The following CNGB3 variants were observed in gnomAD, a reference collection of about 807,000 sequenced individuals.
CNGB3 encodes cyclic nucleotide-gated channel beta-3.
Under a neutral mutation model 92.8 loss-of-function variants are expected in CNGB3, and 86 were observed. The ratio of observed to expected loss-of-function variants is 0.93; its 90% CI spans 0.78 to 1.11. The LOEUF (loss-of-function observed/expected upper bound fraction) is 1.11. Among genes scored for constraint, CNGB3 ranks in the 50% least tolerant of loss-of-function variants. CNGB3 has a pLI of 0.00. For missense variants in CNGB3, 1,026 were observed against 956.8 expected, an observed-to-expected ratio of 1.07 and a Z score of -0.95; for synonymous variants, 333 against 332.7, an observed-to-expected ratio of 1.00 and a Z score of -0.01.
chr8:86,659,609 T>C (rs1208007027), intron 6 of CNGB3: 2 of 538,466 alleles, frequency 3.7e-6, no homozygotes, highest in East Asian at 9.0e-5. Flanking sequence ...CCACTCCAAC[T>C]CTCCCACACG....
chr8:86,710,945 A>G (rs564526040), intron 3 of CNGB3, among the ~76,000 whole-genome samples: 45 of 152,316 alleles, frequency 3.0e-4, no homozygotes, highest in Admixed American at 2.9e-3. Flanking sequence ...TTGACAGTGA[A>G]CTTGTTTAGA....
chr8:86,694,136 C>G (rs1256339461), intron 3 of CNGB3, among the ~76,000 whole-genome samples: 2 of 138,242 alleles, frequency 1.4e-5, no homozygotes, highest in South Asian at 2.5e-4. Flanking sequence ...CTGACCCCCC[C>G]ACCTCCCTCC....
rs748216208 is a variant in CNGB3, at chr8:86,632,848, A to G, written c.1224T>C (p.Ile408=). The G allele has an allele frequency of 5.0e-6, 8 of 1,612,788 alleles. No homozygotes were observed. The highest frequency in any genetic ancestry group is 6.8e-6 in the Non-Finnish European group (8 of 1,179,832). ...AAGTTTGTGGTTCTGGAAGGCCACC[A>G]ATGGTAATTAAAGTTCGAACTGCCC... The part of the protein sequence containing the change: ...YYWAVRTLIT[I]GGLPEPQTLF... The change falls in exon 11 of 18, where the codon ATT becomes ATC. Residue 408 remains isoleucine (I), a synonymous_variant. Transcript: ENST00000320005.
chr8:86,577,338 A>G lies in CNGB3; in HGVS notation c.2104-1208T>C, dbSNP rs183024623. On this transcript the variant is annotated intron_variant, in intron 17 of 17. Coordinates refer to ENST00000320005, the MANE Select transcript of CNGB3 (RefSeq NM_019098.5). ...AAGCTTGGATGAAATTTACAAAGTT[A>G]TTTTGGGCTTTAAACATTTGTGATC... 2.3e-3 allele frequency among the ~76,000 whole-genome samples: 347 copies of G among 152,322 alleles called. 3 individuals are homozygous for G. Among genetic ancestry groups the G allele is most frequent in the South Asian group, 0.013 (65 of 4,828 alleles).
intron 6 of CNGB3, among the ~76,000 whole-genome samples, chr8:86,654,358 C>T (rs1329222465): frequency 1.3e-5 from 2 of 152,148 alleles, no homozygotes; most frequent in Non-Finnish European, 2.9e-5. Flanking sequence ...TGGCTTCTTC[C>T]TGCTTCTCTC....
chr8:86,663,274 C>T (rs1017130390), intron 6 of CNGB3, among the ~76,000 whole-genome samples: 10 of 152,212 alleles, frequency 6.6e-5, no homozygotes, highest in South Asian at 2.1e-4. Context: ...AAGGGCTGTG[C>T]ATGTGAGTGT....
chr8:86,683,685 T>C (rs1228740967), intron 3 of CNGB3, among the ~76,000 whole-genome samples: 3 of 152,114 alleles, frequency 2.0e-5, no homozygotes, highest in South Asian at 4.1e-4. Flanking sequence ...TCATGTACCA[T>C]TAAAAAGCTA....
At chr8:86,658,085 C>G (rs1823550805) in intron 6 of CNGB3, 1 of 529,010 alleles carries the variant, frequency 1.9e-6, no homozygotes, top group Non-Finnish European at 3.5e-6. Context: ...CCCTGCAGGG[C>G]CGGGTGGGCC....
chr8:86,682,629 A>T (rs1049459447), intron 3 of CNGB3, among the ~76,000 whole-genome samples: 8 of 152,110 alleles, frequency 5.3e-5, no homozygotes, highest in African/African-American at 1.9e-4. Context: ...GCCAGGAGAG[A>T]TGTGTGGAGA....
intron 3 of CNGB3, among the ~76,000 whole-genome samples, chr8:86,693,998 G>T (rs1281127625): frequency 1.3e-5 from 2 of 151,694 alleles, no homozygotes; most frequent in Admixed American, 1.3e-4. Flanking sequence ...GGGCAGAGGG[G>T]CTCCTCACTT....
chr8:86,622,023 G>C (rs993113993), intron 13 of CNGB3, among the ~76,000 whole-genome samples: 4 of 152,176 alleles, frequency 2.6e-5, no homozygotes, highest in Non-Finnish European at 5.9e-5. Context: ...TACAGCCTGG[G>C]TGACAGAGCG....
At chr8:86,711,816 ACT>A (rs200870640) in intron 3 of CNGB3, among the ~76,000 whole-genome samples, 9,723 of 143,530 alleles carry the variant, frequency 0.068, 443 homozygotes, top group East Asian at 0.14. Flanking sequence ...GTAGTTTACC[ACT>A]CTCTCTCTCT....
intron 10 of CNGB3, among the ~76,000 whole-genome samples, chr8:86,641,861 A>G (rs1377044583): frequency 6.6e-6 from 1 of 151,932 alleles, no homozygotes; most frequent in Non-Finnish European, 1.5e-5. Flanking sequence ...ACTTAACAAA[A>G]TTACAACAGG....
chr8:86,690,605 T>G (rs1217829190), intron 3 of CNGB3, among the ~76,000 whole-genome samples: 2 of 152,218 alleles, frequency 1.3e-5, no homozygotes, highest in Non-Finnish European at 2.9e-5. Context: ...GCCATTGCTT[T>G]TGGTGTCTTA....
intron 6 of CNGB3, chr8:86,658,029 C>T: frequency 5.5e-6 from 3 of 545,858 alleles, no homozygotes; most frequent in South Asian, 4.7e-5. Context: ...GGTCCACCTT[C>T]TCCTGCATGA....
rs1825375733 is a variant in CNGB3 at position 86,743,482 on chromosome 8, G to A, written c.129+17C>T. The A allele has an allele frequency of 3.7e-6, 6 of 1,613,850 alleles. No individual in the cohort carries two copies. In the East Asian group the frequency reaches 1.3e-4, roughly 36 times the overall value. On this transcript the variant is annotated intron_variant, in intron 1 of 17. Transcript: ENST00000320005. Reference sequence around the variant, plus strand: ...ATGATGAAAATCAAGGCTTGCATAGGAATGTAGAGGACATACCTGTGCTGT... The same window carrying A: ...ATGATGAAAATCAAGGCTTGCATAGAAATGTAGAGGACATACCTGTGCTGT...
chr8:86,613,512 A>G (rs1446611251), intron 13 of CNGB3, among the ~76,000 whole-genome samples: 1 of 152,150 alleles, frequency 6.6e-6, no homozygotes, highest in Non-Finnish European at 1.5e-5. Context: ...ATGGTAAAGA[A>G]AATCCACTTG....
At chr8:86,582,158 G>A (rs960704409) in intron 15 of CNGB3, among the ~76,000 whole-genome samples, 7 of 152,120 alleles carry the variant, frequency 4.6e-5, no homozygotes, top group African/African-American at 1.7e-4. Context: ...ACTTTGGAAG[G>A]CTGAGATGGG....
chr8:86,721,110 G>A (rs1468583164), intron 3 of CNGB3, among the ~76,000 whole-genome samples: 1 of 151,830 alleles, frequency 6.6e-6, no homozygotes, highest in Non-Finnish European at 1.5e-5. Context: ...GGGATTAGAG[G>A]TGCACGCCAC....
Sources: gnomAD v4.1 joint callset for allele counts (sites outside exome capture counted in the v4.1 genomes callset) on GRCh38, gnomAD v4.1.1 for gene constraint, MANE v1.5 for transcripts, NCBI Gene and HGNC (gene_info 2026-07-23, HGNC 2026-07-21) for gene names.